Variants in FREM2 observed in about 807,000 individuals in gnomAD.
FREM2 encodes the protein FRAS1 related extracellular matrix 2, also known as FRAS1-related extracellular matrix protein 2.
FREM2 carries 119 observed loss-of-function variants against 219.9 expected under a neutral mutation model. The ratio of observed to expected loss-of-function variants is 0.54; its 90% CI spans 0.47 to 0.63. The LOEUF (loss-of-function observed/expected upper bound fraction) is 0.63, where lower values mean the gene tolerates loss of function less well. Ranked by LOEUF, FREM2 falls within the 30% of genes least tolerant of loss-of-function variation. FREM2 has a pLI of 0.00. For synonymous variants in FREM2, 1,562 were observed against 1,522.8 expected, an observed-to-expected ratio of 1.03 and a Z score of -0.60; for missense variants, 4,030 against 3,993.6, an observed-to-expected ratio of 1.01 and a Z score of -0.25.
chr13:38,850,824 C>A, intron 9 of FREM2, 120 bp from the exon 10 acceptor site: 1 of 1,091,664 alleles, frequency 9.2e-7, no homozygotes, highest in Non-Finnish European at 1.4e-6. Context: ...GCATGCCAAA[C>A]ACTATTTATT....
chr13:38,883,584 T>C lies in FREM2; in HGVS notation c.*2797T>C, dbSNP rs760049811. The C allele has an allele frequency of 5.3e-5, 8 of 152,188 alleles. No individual in the cohort carries two copies. Among genetic ancestry groups the C allele is most frequent in the Non-Finnish European group, 5.9e-5 (4 of 68,028 alleles). 9.4% of individuals were successfully genotyped at this position (152,188 alleles called of 1,614,324 possible). Reference sequence around the variant, plus strand: ...TGTATTTTAATGATGATCTTATTTATTCCCATTTTTGCCCTTAGTTAACAT... The same window carrying C: ...TGTATTTTAATGATGATCTTATTTACTCCCATTTTTGCCCTTAGTTAACAT... On this transcript the variant is annotated 3_prime_UTR_variant, in exon 24 of 24. Transcript: ENST00000280481.
chr13:38,854,395 T>A (rs898516403), intron 11 of FREM2, among the ~76,000 whole-genome samples: 2 of 152,086 alleles, frequency 1.3e-5, no homozygotes, highest in Non-Finnish European at 2.9e-5. Context: ...GAAAATATGA[T>A]AGAAAATGGA....
intron 2 of FREM2, among the ~76,000 whole-genome samples, chr13:38,747,471 G>GTATA (rs149892736): frequency 0.017 from 2,557 of 147,388 alleles, 86 homozygotes; most frequent in African/African-American, 0.062. Context: ...TGGTGAGTGT[G>GTATA]TATATGTATA....
At chr13:38,745,072 A>G (rs2137785728) in intron 2 of FREM2, among the ~76,000 whole-genome samples, 1 of 152,366 alleles carries the variant, frequency 6.6e-6, no homozygotes, top group Admixed American at 6.5e-5. Flanking sequence ...TTAATTAGGA[A>G]GAATGATCCA....
intron 16 of FREM2, among the ~76,000 whole-genome samples, chr13:38,872,270 T>A (rs938623937): frequency 6.6e-6 from 1 of 152,164 alleles, no homozygotes; most frequent in Non-Finnish European, 1.5e-5. Context: ...GACCTAGTGG[T>A]TTCCAGGGAC....
chr13:38,725,801 T>C (rs542714442), intron 2 of FREM2, among the ~76,000 whole-genome samples: 1 of 152,302 alleles, frequency 6.6e-6, no homozygotes, highest in African/African-American at 2.4e-5. Flanking sequence ...TTCAAGCGAT[T>C]GGATGAATGG....
At position 38,864,339 on chromosome 13, in the gene FREM2, C is replaced by T; in HGVS notation, c.7716C>T (p.Gly2572=). 1 of 1,614,158 alleles carries T rather than the reference C, an allele frequency of 6.2e-7. No individual in the cohort carries two copies. The highest frequency in any genetic ancestry group is 8.5e-7 in the Non-Finnish European group (1 of 1,179,974). The change falls in exon 16 of 24, where the codon GGC becomes GGT. Residue 2572 remains glycine (G), a synonymous_variant. Coordinates refer to ENST00000280481, the MANE Select transcript of FREM2 (RefSeq NM_207361.6). The part of the protein sequence containing the change: ...SNFELTLSPD[G]TRVGNHKCSN... ...TTGAGCTCACCCTCAGCCCTGATGG[C>T]ACAAGAGTTGGAAACCACAAGTGCT... is the stretch of plus-strand genomic sequence containing the variant.
At chr13:38,877,324 G>C in intron 21 of FREM2, 81 bp downstream of exon 21, 1 of 1,466,302 alleles carries the variant, frequency 6.8e-7, no homozygotes, top group African/African-American at 1.4e-5. Context: ...TGTGTTTGAG[G>C]GGGCAAATTA....
At position 38,774,640 on chromosome 13, in the gene FREM2, A is replaced by G. The variant is rs143879113; in HGVS notation, c.5641+4832A>G. 6.3e-3 allele frequency among the ~76,000 whole-genome samples: 954 copies of G among 152,320 alleles called. 11 individuals carry two copies. The highest frequency in any genetic ancestry group is 0.022 in the African/African-American group (922 of 41,580). On this transcript the variant is annotated intron_variant, in intron 4 of 23. Coordinates refer to ENST00000280481, the MANE Select transcript of FREM2 (RefSeq NM_207361.6). The stretch of plus-strand genomic sequence containing the variant: ...CCCTTGCTCTTTAAAGCATATAGAT[A>G]TTAGTTAATGTTAAACATTTCCATT...
chr13:38,837,101 C>T (rs1876743265), intron 6 of FREM2, among the ~76,000 whole-genome samples: 1 of 152,184 alleles, frequency 6.6e-6, no homozygotes, highest in South Asian at 2.1e-4. Context: ...TCCCTCTAAA[C>T]ACTGCTTTAT....
At chr13:38,725,117 A>G (rs536252397) in intron 2 of FREM2, among the ~76,000 whole-genome samples, 25 of 152,354 alleles carry the variant, frequency 1.6e-4, no homozygotes, top group African/African-American at 5.5e-4. Flanking sequence ...CCTATGCTGT[A>G]TAGGCCATAG....
intron 3 of FREM2, among the ~76,000 whole-genome samples, chr13:38,765,720 T>G (rs1231478197): frequency 6.6e-6 from 1 of 152,154 alleles, no homozygotes; most frequent in African/African-American, 2.4e-5. Context: ...ATTCTTTTTT[T>G]TTCCTTTTAA....
chr13:38,876,220 G>A, intron 19 of FREM2, 28 bp from the exon 20 acceptor site: 1 of 1,613,948 alleles, frequency 6.2e-7, no homozygotes, highest in Non-Finnish European at 8.5e-7. Context: ...ATTTTTAAAT[G>A]TAATATATCA....
At chr13:38,874,667 T>A in intron 18 of FREM2, 81 bp downstream of exon 18, 1 of 1,094,958 alleles carries the variant, frequency 9.1e-7, no homozygotes, top group African/African-American at 1.5e-5. Flanking sequence ...TCAGCGTGCT[T>A]CTCTGTTACC....
At chr13:38,810,700 A>G (rs1265649582) in intron 6 of FREM2, among the ~76,000 whole-genome samples, 6 of 152,046 alleles carry the variant, frequency 3.9e-5, no homozygotes, top group Non-Finnish European at 8.8e-5. Flanking sequence ...TTTCAAATAT[A>G]TTATTAAATT....
In FREM2 at chr13:38,694,496, C is replaced by T. The variant is rs903417367; in HGVS notation, c.5173+1979C>T. 3.9e-5 allele frequency among the ~76,000 whole-genome samples: 6 copies of T among 152,246 alleles called. No individual in the cohort carries two copies. The South Asian group carries it at 1.2e-3, about 32-fold the overall frequency. ...TCAGAAAGCTACCATGGCTCTTTTTCCACTAGGAGAAATGAAAGCAGTGCT... is the reference window on the plus strand; with the variant it reads ...TCAGAAAGCTACCATGGCTCTTTTTTCACTAGGAGAAATGAAAGCAGTGCT... On this transcript the variant is annotated intron_variant, in intron 1 of 23. Coordinates refer to ENST00000280481, the MANE Select transcript of FREM2 (RefSeq NM_207361.6).
intron 6 of FREM2, among the ~76,000 whole-genome samples, chr13:38,803,075 C>G (rs1194034059): frequency 2.0e-5 from 3 of 152,108 alleles, no homozygotes; most frequent in Non-Finnish European, 4.4e-5. Context: ...CGGTTTCTTT[C>G]CATGGATGAG....
intron 11 of FREM2, among the ~76,000 whole-genome samples, chr13:38,854,886 A>G (rs1877498301): frequency 6.6e-6 from 1 of 152,244 alleles, no homozygotes; most frequent in Non-Finnish European, 1.5e-5. Flanking sequence ...TTTGTAATTT[A>G]GAATTATAAT....
At chr13:38,870,777 C>G (rs552636083) in intron 16 of FREM2, among the ~76,000 whole-genome samples, 42 of 152,216 alleles carry the variant, frequency 2.8e-4, no homozygotes, top group African/African-American at 9.4e-4. Context: ...AGTTGGGGAG[C>G]TGTACTCCAA....
Sources: allele counts gnomAD v4.1 joint callset (sites outside exome capture counted in the v4.1 genomes callset), GRCh38; gene constraint gnomAD v4.1.1; transcripts MANE v1.5; gene names NCBI Gene and HGNC (gene_info 2026-07-23, HGNC 2026-07-21).